NEGR1: variants seen among roughly 807,000 people sequenced by gnomAD.
NEGR1 encodes the protein neuronal growth regulator 1, also known as IgLON family member 4.
A neutral mutation model predicts 40.9 loss-of-function variants in NEGR1; 10 were observed. The ratio of observed to expected loss-of-function variants is 0.24; its 90% CI spans 0.15 to 0.42. The LOEUF (loss-of-function observed/expected upper bound fraction) is 0.42. NEGR1 is among the 10% of genes least tolerant of loss of function. NEGR1 has a pLI of 1.00. For synonymous variants in NEGR1, 185 were observed against 166.8 expected, an observed-to-expected ratio of 1.11 and a Z score of -0.84; for missense variants, 352 against 438.9, an observed-to-expected ratio of 0.80 and a Z score of 1.77.
intron 1 of NEGR1, among the ~76,000 whole-genome samples, chr1:72,031,201 G>T (rs1320946268): frequency 4.6e-5 from 7 of 152,152 alleles, no homozygotes; most frequent in Non-Finnish European, 1.0e-4. Context: ...AGATGGGAAG[G>T]CTCACCATAA....
chr1:72,263,315 C>A (rs1431861215), intron 1 of NEGR1, among the ~76,000 whole-genome samples: 1 of 151,600 alleles, frequency 6.6e-6, no homozygotes, highest in African/African-American at 2.4e-5. Flanking sequence ...GAGAAGTTTA[C>A]TTACATGCTG....
At chr1:71,707,588 G>A (rs1380094584) in intron 3 of NEGR1, among the ~76,000 whole-genome samples, 1 of 152,178 alleles carries the variant, frequency 6.6e-6, no homozygotes, top group Non-Finnish European at 1.5e-5. Flanking sequence ...CATCCTGAAA[G>A]AAAGGACATG....
intron 1 of NEGR1, among the ~76,000 whole-genome samples, chr1:72,148,441 T>C (rs1166741145): frequency 6.6e-6 from 1 of 152,048 alleles, no homozygotes; most frequent in African/African-American, 2.4e-5. Context: ...CTAGAGACAT[T>C]TTCCCCATGG....
intron 3 of NEGR1, among the ~76,000 whole-genome samples, chr1:71,709,473 T>A (rs1409772854): frequency 6.6e-6 from 1 of 152,212 alleles, no homozygotes; most frequent in African/African-American, 2.4e-5. Flanking sequence ...TTCATTATAC[T>A]ACTGAGCTAT....
In NEGR1 at chr1:71,596,034, C is replaced by A. The variant is rs1451679474; in HGVS notation, c.789-3066G>T. Among the ~76,000 whole-genome samples, 6 of 115,294 alleles carry A rather than the reference C, an allele frequency of 5.2e-5. 1 individual carries two copies. Among genetic ancestry groups the A allele is most frequent in the Non-Finnish European group, 1.1e-4 (6 of 54,508 alleles). The allele number at this position is 115,294 out of a possible 152,430, so 75.6% of individuals were successfully genotyped here. A position where few individuals can be genotyped will look rare whatever the true frequency, so the allele number is the denominator to read the frequency against. ...TTATAGCCCCTGCCAAACCCTGCCC[C>A]TCCCTGCCACAAAAAAAAAAAAAAA... On this transcript the variant is annotated intron_variant, in intron 5 of 6. Coordinates refer to ENST00000357731, the MANE Select transcript of NEGR1 (RefSeq NM_173808.3).
intron 6 of NEGR1, among the ~76,000 whole-genome samples, chr1:71,514,720 T>A (rs1285961071): frequency 3.1e-4 from 5 of 15,926 alleles, no homozygotes; most frequent in Non-Finnish European, 5.6e-4. Flanking sequence ...CAAAGCTGGA[T>A]GGAGAATGAT....
At chr1:71,773,425 A>C (rs188058465) in intron 3 of NEGR1, among the ~76,000 whole-genome samples, 122 of 152,306 alleles carry the variant, frequency 8.0e-4, no homozygotes, top group Non-Finnish European at 1.4e-3. Context: ...TTCTTTCATA[A>C]TATAGCAAAA....
At chr1:72,104,916 T>A (rs1002342596) in intron 1 of NEGR1, among the ~76,000 whole-genome samples, 2 of 152,094 alleles carry the variant, frequency 1.3e-5, no homozygotes, top group African/African-American at 4.8e-5. Context: ...CTTATCAGAG[T>A]ACAGTCTGTT....
intron 6 of NEGR1, among the ~76,000 whole-genome samples, chr1:71,460,883 A>G (rs1259672355): frequency 1.3e-5 from 2 of 152,218 alleles, no homozygotes; most frequent in East Asian, 3.8e-4. Flanking sequence ...TATTAACGAT[A>G]AAAATAAAGT....
At chr1:72,084,114 T>C (rs1569936095) in intron 1 of NEGR1, among the ~76,000 whole-genome samples, 1 of 152,276 alleles carries the variant, frequency 6.6e-6, no homozygotes, top group South Asian at 2.1e-4. Flanking sequence ...TTTTTTCTTT[T>C]ACAGGAAGTA....
At chr1:71,857,841 C>T (rs1043571936) in intron 2 of NEGR1, among the ~76,000 whole-genome samples, 13 of 152,050 alleles carry the variant, frequency 8.5e-5, no homozygotes, top group Admixed American at 7.9e-4. Context: ...AAATTCTATA[C>T]AACCCTACAA....
intron 3 of NEGR1, among the ~76,000 whole-genome samples, chr1:71,712,763 G>A (rs1395466288): frequency 6.6e-6 from 1 of 152,102 alleles, no homozygotes; most frequent in African/African-American, 2.4e-5. Flanking sequence ...GGTGGTGACT[G>A]GATCATGGGG....
At chr1:72,091,046 T>G (rs1481501594) in intron 1 of NEGR1, among the ~76,000 whole-genome samples, 1 of 152,172 alleles carries the variant, frequency 6.6e-6, no homozygotes, top group African/African-American at 2.4e-5. Context: ...ATGATGATTT[T>G]TCAAATTTAT....
intron 2 of NEGR1, among the ~76,000 whole-genome samples, chr1:71,903,438 A>G (rs1377485292): frequency 6.6e-6 from 1 of 151,988 alleles, no homozygotes; most frequent in Non-Finnish European, 1.5e-5. Flanking sequence ...TTGACAAAAG[A>G]GTTGTATGTA....
At chr1:71,658,269 GTTTA>G (rs1239298124) in intron 4 of NEGR1, among the ~76,000 whole-genome samples, 1 of 152,086 alleles carries the variant, frequency 6.6e-6, no homozygotes, top group African/African-American at 2.4e-5. Flanking sequence ...GGTTTTGTTT[GTTTA>G]TTTGTTTAGG....
intron 6 of NEGR1, among the ~76,000 whole-genome samples, chr1:71,513,521 C>T (rs1647091857): frequency 6.6e-6 from 1 of 152,206 alleles, no homozygotes; most frequent in African/African-American, 2.4e-5. Context: ...GGATCAACAT[C>T]TTTCTCCTGA....
chr1:72,145,939 C>T (rs986420162), intron 1 of NEGR1, among the ~76,000 whole-genome samples: 1 of 152,018 alleles, frequency 6.6e-6, no homozygotes, highest in Non-Finnish European at 1.5e-5. Flanking sequence ...GAATTACATA[C>T]CTTATAGTTT....
rs1360657917 is a variant in NEGR1, at chr1:72,282,345, G to A, written c.150C>T (p.Val50=). ...FPWAAVDNMM[V]RKGDTAVLRC... is the part of the protein sequence containing the mutation. ...TAAGCACCGCCGTGTCCCCTTTTCTGACCATCATGTTGTCCACGGCCGCCC... is the reference window on the plus strand; with the variant it reads ...TAAGCACCGCCGTGTCCCCTTTTCTAACCATCATGTTGTCCACGGCCGCCC... Residue 50 remains valine (V), a synonymous_variant, in exon 1 of 7, where the codon GTC becomes GTT. Transcript: ENST00000357731. The A allele has an allele frequency of 6.2e-7, 1 of 1,614,064 alleles. No homozygotes were observed. The highest frequency in any genetic ancestry group is 8.5e-7 in the Non-Finnish European group (1 of 1,179,990).
intron 1 of NEGR1, among the ~76,000 whole-genome samples, chr1:72,164,218 C>T (rs182973315): frequency 1.4e-4 from 21 of 151,936 alleles, no homozygotes; most frequent in Non-Finnish European, 2.7e-4. Context: ...CTTTAACGAC[C>T]GTTGAAAAGG....
Sources: gnomAD v4.1 joint callset for allele counts (sites outside exome capture counted in the v4.1 genomes callset) on GRCh38, gnomAD v4.1.1 for gene constraint, MANE v1.5 for transcripts, NCBI Gene and HGNC (gene_info 2026-07-23, HGNC 2026-07-21) for gene names.